The following INO80C variants were observed in gnomAD, a reference collection of about 807,000 sequenced individuals.
INO80C encodes the protein IES6 homolog.
In INO80C, 17 loss-of-function variants were observed where a neutral mutation model predicts 17.7. The observed-to-expected ratio is 0.96, with a 90% CI of 0.66 to 1.44. INO80C has a LOEUF of 1.44. INO80C is among the 40% of genes most tolerant of loss of function. The pLI is 0.00. For missense variants in INO80C, 244 were observed against 245.0 expected (o/e 1.00, Z 0.03); for synonymous variants, 96 against 95.8 (o/e 1.00, Z -0.01).
intron 1 of INO80C, chr18:35,496,972 CT>C (rs1329426290): frequency 6.6e-6 from 1 of 152,264 alleles, no homozygotes; most frequent in Non-Finnish European, 1.5e-5. Context: ...AGAACAGCCA[CT>C]GACTGACTGG....
At chr18:35,471,613 T>C (rs1338932803) in intron 4 of INO80C, among the ~76,000 whole-genome samples, 1 of 152,158 alleles carries the variant, frequency 6.6e-6, no homozygotes, top group Non-Finnish European at 1.5e-5. Flanking sequence ...TTTTTTTTAA[T>C]TTTATTATTA....
At chr18:35,494,556 C>T (rs1024711090) in intron 1 of INO80C, among the ~76,000 whole-genome samples, 1 of 152,204 alleles carries the variant, frequency 6.6e-6, no homozygotes, top group South Asian at 2.1e-4. Flanking sequence ...GCAAGGAACA[C>T]GGGCAGCAGC....
Position 35,468,594 on chromosome 18 carries a change from A to G in INO80C, c.*17T>C. ...TGTTTTTGAAACAGCTTTCCACTTC[A>G]TCTCCCTTTCTGGGGCTCAGGGAAC... On this transcript the variant is annotated 3_prime_UTR_variant, in exon 5 of 5. Coordinates refer to ENST00000334598, the MANE Select transcript of INO80C (RefSeq NM_194281.4). The G allele has an allele frequency of 6.2e-7, 1 of 1,614,044 alleles. No individual in the cohort carries two copies.
At chr18:35,495,004 T>C (rs1019791327) in intron 1 of INO80C, among the ~76,000 whole-genome samples, 16 of 152,170 alleles carry the variant, frequency 1.1e-4, no homozygotes, top group Admixed American at 7.2e-4. Flanking sequence ...AACAGAAAGG[T>C]TGGGCAAGTG....
In INO80C at chr18:35,482,263, C is replaced by A. The variant is rs575751476; in HGVS notation, c.157-1700G>T. 2.0e-5 allele frequency among the ~76,000 whole-genome samples: 3 copies of A among 152,276 alleles called. No individual in the cohort carries two copies. In the East Asian group the frequency reaches 5.8e-4, roughly 29 times the overall value. On this transcript the variant is annotated intron_variant, in intron 1 of 4. Coordinates refer to ENST00000334598, the MANE Select transcript of INO80C (RefSeq NM_194281.4). ...AATGTGGAAGACACTACATGATTAA[C>A]TAAATCACAGCTTATCTACTCTCAG... is the stretch of plus-strand genomic sequence containing the variant.
intron 1 of INO80C, among the ~76,000 whole-genome samples, chr18:35,481,212 G>A (rs184436549): frequency 6.6e-6 from 1 of 152,336 alleles, no homozygotes; most frequent in East Asian, 1.9e-4. Context: ...AGCAGCCAGA[G>A]AGTGCCCTGA....
In INO80C at chr18:35,468,480, AACATTCTTTC is replaced by A; in HGVS notation, c.*121_*130del. The A allele has an allele frequency of 1.3e-6, 2 of 1,503,554 alleles. No homozygotes were observed. The highest frequency in any genetic ancestry group is 8.8e-7 in the Non-Finnish European group (1 of 1,130,244). The allele number at this position is 1,503,554 out of a possible 1,614,324, so 93.1% of individuals were successfully genotyped here. A position where few individuals can be genotyped will look rare whatever the true frequency, so the allele number is the denominator to read the frequency against. The stretch of plus-strand genomic sequence containing the variant: ...AAAAAAAACCCTTAAATTAAAGCCA[AACATTCTTTC>A]CAAGGCACAGCACTGGCATTTTCAG... On this transcript the variant is annotated 3_prime_UTR_variant, in exon 5 of 5. Transcript: ENST00000334598.
intron 1 of INO80C, chr18:35,483,773 A>T (rs1455210511): frequency 6.6e-6 from 1 of 152,250 alleles, no homozygotes; most frequent in Non-Finnish European, 1.5e-5. Context: ...TTGGAAAGAA[A>T]CAACTGAGTG....
intron 4 of INO80C, among the ~76,000 whole-genome samples, chr18:35,477,833 T>C (rs1465772294): frequency 1.3e-5 from 2 of 152,160 alleles, no homozygotes; most frequent in Non-Finnish European, 2.9e-5. Context: ...CAGGCTGTTA[T>C]ATATTGGATT....
intron 4 of INO80C, among the ~76,000 whole-genome samples, chr18:35,475,077 C>T (rs2045718700): frequency 6.6e-6 from 1 of 152,136 alleles, no homozygotes; most frequent in Non-Finnish European, 1.5e-5. Flanking sequence ...AAATCCAAAA[C>T]CTCAGAGAAC....
Position 35,479,420 on chromosome 18 carries a change from G to C in INO80C, c.268-9C>G. The C allele has an allele frequency of 6.3e-7, 1 of 1,584,662 alleles. No individual in the cohort carries two copies. Among genetic ancestry groups the C allele is most frequent in the Non-Finnish European group, 8.7e-7 (1 of 1,153,322 alleles). On this transcript the variant is annotated splice_polypyrimidine_tract_variant and intron_variant, in intron 2 of 4. Transcript: ENST00000334598. ...CCACCGTGGCCAGAGTGCTTGAATT[G>C]AAGGCATGGATTAGAAGAAACAAAA...
intron 3 of INO80C, 147 bp downstream of exon 3, chr18:35,479,153 A>G: frequency 3.4e-6 from 2 of 596,248 alleles, no homozygotes; most frequent in Non-Finnish European, 6.0e-6. Context: ...ATACACACAT[A>G]ATCTGCCCAG....
At chr18:35,494,057 C>A (rs1341085069) in intron 1 of INO80C, among the ~76,000 whole-genome samples, 1 of 152,214 alleles carries the variant, frequency 6.6e-6, no homozygotes, top group Non-Finnish European at 1.5e-5. Flanking sequence ...CTCTCCAAGC[C>A]AACTTCAAGT....
intron 4 of INO80C, among the ~76,000 whole-genome samples, chr18:35,474,218 T>TATATATAC (rs2045705740): frequency 8.8e-6 from 1 of 114,172 alleles, no homozygotes; most frequent in Non-Finnish European, 1.8e-5. Flanking sequence ...TATATATATA[T>TATATATAC]ATATATATAT....
intron 4 of INO80C, among the ~76,000 whole-genome samples, chr18:35,473,787 T>A: frequency 6.6e-6 from 1 of 152,140 alleles, no homozygotes; most frequent in East Asian, 1.9e-4. Flanking sequence ...CAACAAAGCC[T>A]AACACCAAAC....
chr18:35,471,684 A>T (rs1386307105), intron 4 of INO80C, among the ~76,000 whole-genome samples: 1 of 151,912 alleles, frequency 6.6e-6, no homozygotes, highest in Non-Finnish European at 1.5e-5. Flanking sequence ...TACATGTGCC[A>T]TGTTGGTGTG....
At chr18:35,493,179 A>C (rs1305732303) in intron 1 of INO80C, among the ~76,000 whole-genome samples, 2 of 152,250 alleles carry the variant, frequency 1.3e-5, no homozygotes, top group Non-Finnish European at 2.9e-5. Flanking sequence ...TTGGAGAATT[A>C]AATGACATAG....
At chr18:35,474,120 C>T (rs2045702039) in intron 4 of INO80C, among the ~76,000 whole-genome samples, 1 of 145,632 alleles carries the variant, frequency 6.9e-6, no homozygotes, top group Non-Finnish European at 1.5e-5. Flanking sequence ...CAGATAAATA[C>T]TTTAAAGCAG....
chr18:35,479,389 A>G lies in INO80C; in HGVS notation c.290T>C (p.Val97Ala), dbSNP rs760700713. The change falls in exon 3 of 5, where the codon GTA (valine) becomes GCA (alanine). Residue 97 changes from valine (V) to alanine (A), a missense_variant. Physicochemically the swap from Val to Ala is moderately conservative, Grantham distance 64. Coordinates refer to ENST00000334598, the MANE Select transcript of INO80C (RefSeq NM_194281.4). Reference protein sequence around the residue: ...NFVHSGHGGAVAGKKNRTWKN... With the variant: ...NFVHSGHGGAAAGKKNRTWKN... ...CCAGGTTCTGTTCTTCTTGCCAGCT[A>G]CTGCGCCACCGTGGCCAGAGTGCTT... 5 of 1,613,968 alleles carry G rather than the reference A, an allele frequency of 3.1e-6. No homozygotes were observed. In the Admixed American group the frequency reaches 6.7e-5, roughly 22 times the overall value.
Sources: gnomAD v4.1 joint callset for allele counts (sites outside exome capture counted in the v4.1 genomes callset) on GRCh38, gnomAD v4.1.1 for gene constraint, MANE v1.5 for transcripts, NCBI Gene and HGNC (gene_info 2026-07-23, HGNC 2026-07-21) for gene names.